The following SNX6 variants were observed in gnomAD, a reference collection of about 807,000 sequenced individuals.
SNX6 encodes the protein sorting nexin-6.
A neutral mutation model predicts 63.0 loss-of-function variants in SNX6; 34 were observed. That is an observed-to-expected ratio of 0.54 (90% CI 0.41 to 0.72). SNX6 has a LOEUF of 0.72. SNX6 is among the 30% of genes least tolerant of loss of function. The probability of loss-of-function intolerance (pLI) is 0.00; values close to 1 mark genes in which losing one functional copy is unlikely to be tolerated. For missense variants in SNX6, 398 were observed against 471.4 expected (o/e 0.84, Z 1.44); for synonymous variants, 170 against 164.2 (o/e 1.04, Z -0.27).
At chr14:34,618,741 G>A (rs573718159) in intron 2 of SNX6, among the ~76,000 whole-genome samples, 16 of 152,128 alleles carry the variant, frequency 1.1e-4, no homozygotes, top group African/African-American at 3.4e-4. Flanking sequence ...CCCCAGATAC[G>A]TATCTGCACA....
intron 7 of SNX6, among the ~76,000 whole-genome samples, chr14:34,595,957 C>T (rs1271278854): frequency 1.3e-5 from 2 of 152,094 alleles, no homozygotes; most frequent in African/African-American, 2.4e-5. Context: ...CGGTGGCTCA[C>T]GCCTGTAATC....
intron 2 of SNX6, among the ~76,000 whole-genome samples, chr14:34,615,606 T>A (rs984941521): frequency 6.6e-6 from 1 of 152,220 alleles, no homozygotes; most frequent in African/African-American, 2.4e-5. Flanking sequence ...ACCATTTGTC[T>A]TCTCCTTTTC....
intron 6 of SNX6, among the ~76,000 whole-genome samples, chr14:34,598,241 T>A (rs949069956): frequency 1.3e-5 from 2 of 152,192 alleles, no homozygotes; most frequent in Non-Finnish European, 2.9e-5. Context: ...CTCCTAGCAC[T>A]TGCTGTATCA....
In SNX6 at chr14:34,575,798, A is replaced by AGAAAGTTTGAG; in HGVS notation, c.868_878dup (p.Asp294SerfsTer7). ...CTCTTAAGTAATATTTTAAAAGATC[A>AGAAAGTTTGAG]GAAAGTTTGAGGTCTTCATCAGCAG... is the stretch of plus-strand genomic sequence containing the variant. On this transcript the variant is annotated frameshift_variant, in exon 11 of 14. Transcript: ENST00000362031. LOFTEE classifies it high-confidence loss of function. The AGAAAGTTTGAG allele has an allele frequency of 6.3e-7, 1 of 1,597,164 alleles. No individual in the cohort carries two copies. The highest frequency in any genetic ancestry group is 1.1e-5 in the South Asian group (1 of 87,096).
rs1882704071 is a variant in SNX6, at chr14:34,598,980, G to A, written c.517-1335C>T. On this transcript the variant is annotated intron_variant, in intron 6 of 13. Transcript: ENST00000362031. ...GGGATTAGTCCTTATAAAAGAGGCT[G>A]AGGGAATGTTACCCTCTTGCCCCTT... 2.0e-5 allele frequency among the ~76,000 whole-genome samples: 3 copies of A among 152,186 alleles called. No individual in the cohort carries two copies. The South Asian group carries it at 6.2e-4, about 31-fold the overall frequency.
Position 34,597,546 on chromosome 14 carries a change from T to C in SNX6, c.612+4A>G. 6 of 1,532,738 alleles carry C rather than the reference T, an allele frequency of 3.9e-6. No individual in the cohort carries two copies. Among genetic ancestry groups the C allele is most frequent in the East Asian group, 2.3e-5 (1 of 44,444 alleles). 94.9% of individuals were successfully genotyped at this position (1,532,738 alleles called of 1,614,324 possible). On this transcript the variant is annotated splice_donor_region_variant and intron_variant, in intron 7 of 13. Transcript: ENST00000362031. ...ATACCACAGTTAATCAAATAAAATCTTACCTTTACTCCTGAAACGATTACT... is the reference window on the plus strand; with the variant it reads ...ATACCACAGTTAATCAAATAAAATCCTACCTTTACTCCTGAAACGATTACT...
intron 13 of SNX6, among the ~76,000 whole-genome samples, chr14:34,564,997 T>C (rs1210286893): frequency 6.6e-6 from 1 of 152,026 alleles, no homozygotes; most frequent in Non-Finnish European, 1.5e-5. Flanking sequence ...ATGAATGAAC[T>C]TGGCTGCGTT....
At position 34,581,594 on chromosome 14, in the gene SNX6, A is replaced by C. The variant is rs751348218; in HGVS notation, c.801T>G (p.Phe267Leu). The C allele has an allele frequency of 6.7e-7, 1 of 1,482,626 alleles. No individual in the cohort carries two copies. The highest frequency in any genetic ancestry group is 1.2e-5 in the South Asian group (1 of 85,590). 91.8% of individuals were successfully genotyped at this position (1,482,626 alleles called of 1,614,324 possible). The change falls in exon 10 of 14, where the codon TTT (phenylalanine) becomes TTG (leucine). Residue 267 changes from phenylalanine to leucine, a missense_variant. Coordinates refer to ENST00000362031, the MANE Select transcript of SNX6 (RefSeq NM_152233.4). ...TATCGAACAGTTCTGAAACTTTGAG[A>C]AAAAACCTGGAAAGGAAAATATTTT... Reference protein sequence around the residue: ...TQDSTDICKFFLKVSELFDKT... With the variant: ...TQDSTDICKFLLKVSELFDKT...
intron 2 of SNX6, among the ~76,000 whole-genome samples, chr14:34,613,852 T>C (rs1243452711): frequency 6.6e-6 from 1 of 151,236 alleles, no homozygotes; most frequent in Non-Finnish European, 1.5e-5. Context: ...CTCACGCCTG[T>C]AATACCAGCA....
intron 2 of SNX6, among the ~76,000 whole-genome samples, chr14:34,620,078 G>A (rs72675232): frequency 0.023 from 3,429 of 152,106 alleles, 54 homozygotes; most frequent in Middle Eastern, 0.058. Context: ...ACCATTGTTT[G>A]TACTGTTCCA....
chr14:34,568,989 A>G (rs1594692324), intron 11 of SNX6: 1 of 1,457,856 alleles, frequency 6.9e-7, no homozygotes, highest in Non-Finnish European at 9.6e-7. Context: ...CATCGTAGGG[A>G]GCAAGCTCTT....
At chr14:34,583,791 G>C (rs1052593627) in intron 9 of SNX6, among the ~76,000 whole-genome samples, 2 of 151,330 alleles carry the variant, frequency 1.3e-5, no homozygotes, top group Non-Finnish European at 2.9e-5. Context: ...GAGAACAGAT[G>C]GCAAGGTTGA....
intron 10 of SNX6, among the ~76,000 whole-genome samples, chr14:34,576,658 AG>A (rs1295062163): frequency 1.3e-5 from 2 of 151,590 alleles, no homozygotes; most frequent in Admixed American, 6.6e-5. Context: ...TATGTTGGCC[AG>A]GCTGGTCTCA....
intron 11 of SNX6, among the ~76,000 whole-genome samples, chr14:34,571,963 G>A (rs1881470417): frequency 6.6e-6 from 1 of 152,152 alleles, no homozygotes; most frequent in African/African-American, 2.4e-5. Flanking sequence ...AAGGATAACA[G>A]GGGTGAGCCA....
At chr14:34,564,271 G>A (rs1005453924) in intron 13 of SNX6, among the ~76,000 whole-genome samples, 3 of 152,012 alleles carry the variant, frequency 2.0e-5, no homozygotes, top group Non-Finnish European at 4.4e-5. Context: ...CAGGTGATCT[G>A]CCCGCCTTGG....
chr14:34,602,671 T>A (rs1308289481), intron 6 of SNX6, among the ~76,000 whole-genome samples: 1 of 151,562 alleles, frequency 6.6e-6, no homozygotes, highest in East Asian at 2.0e-4. Flanking sequence ...CCTTTTCCAA[T>A]GACTCTTTAA....
rs528445071 is a variant in SNX6, at chr14:34,584,196, C to T, written c.794+2034G>A. ...TATCATACCTTGCTTTGCCAAAAAG[C>T]GTGACTTTTAAATATCTGAGACAGA... On this transcript the variant is annotated intron_variant, in intron 9 of 13. Transcript: ENST00000362031. 3.3e-5 allele frequency among the ~76,000 whole-genome samples: 5 copies of T among 152,140 alleles called. No homozygotes were observed. In the East Asian group the frequency reaches 7.7e-4, roughly 24 times the overall value.
chr14:34,612,911 C>A (rs567348492), intron 2 of SNX6, among the ~76,000 whole-genome samples: 1 of 151,502 alleles, frequency 6.6e-6, no homozygotes, highest in African/African-American at 2.4e-5. Flanking sequence ...TAGCTGGGTG[C>A]GGTGGTGCAT....
At chr14:34,565,077 C>CTT (rs34722757) in intron 13 of SNX6, among the ~76,000 whole-genome samples, 21 of 131,256 alleles carry the variant, frequency 1.6e-4, no homozygotes, top group African/African-American at 3.4e-4. Flanking sequence ...CATGTCATGA[C>CTT]TTTTTTTTTT....
Sources: gnomAD v4.1 joint callset for allele counts (sites outside exome capture counted in the v4.1 genomes callset) on GRCh38, gnomAD v4.1.1 for gene constraint, MANE v1.5 for transcripts, NCBI Gene and HGNC (gene_info 2026-07-23, HGNC 2026-07-21) for gene names.